The following TMEM232 variants were observed in gnomAD, a reference collection of about 807,000 sequenced individuals.
TMEM232 encodes the protein transmembrane protein 232.
Under a neutral mutation model 78.8 loss-of-function variants are expected in TMEM232, and 80 were observed. The observed-to-expected ratio is 1.01, with a 90% CI of 0.85 to 1.22. The LOEUF is 1.22. Among genes scored for constraint, TMEM232 ranks in the 50% most tolerant of loss-of-function variants. The pLI is 0.00. For missense variants in TMEM232, 881 were observed against 742.2 expected (o/e 1.19, Z -2.17); for synonymous variants, 297 against 254.3 (o/e 1.17, Z -1.60).
At chr5:110,624,075 C>T (rs1784108594) in intron 7 of TMEM232, among the ~76,000 whole-genome samples, 1 of 152,082 alleles carries the variant, frequency 6.6e-6, no homozygotes, top group Non-Finnish European at 1.5e-5. Flanking sequence ...TCAACATTGA[C>T]AGTTGCCTAC....
rs79627433 is a variant in TMEM232 at position 110,469,513 on chromosome 5, C to A, written c.1704-44597G>T. 9.0e-3 allele frequency among the ~76,000 whole-genome samples: 1,377 copies of A among 152,280 alleles called. 19 individuals carry two copies. The highest frequency in any genetic ancestry group is 0.031 in the African/African-American group (1,305 of 41,542). Reference sequence around the variant, plus strand: ...GCCTTGGTGAAGCCACCCTATCTACCCCTCTCCAAGCCACTGCTGCACTCT... The same window carrying A: ...GCCTTGGTGAAGCCACCCTATCTACACCTCTCCAAGCCACTGCTGCACTCT... On this transcript the variant is annotated intron_variant, in intron 12 of 13. Coordinates refer to ENST00000455884, the MANE Select transcript of TMEM232 (RefSeq NM_001039763.4).
chr5:110,627,569 G>A lies in TMEM232; in HGVS notation c.601+212C>T, dbSNP rs1033586813. ...AAAAAAGTAGAGTCAGATTTTAAAT[G>A]TTCTCACCACAAAGAAATAACAAAA... On this transcript the variant is annotated intron_variant, in intron 6 of 13. Coordinates refer to ENST00000455884, the MANE Select transcript of TMEM232 (RefSeq NM_001039763.4). Among the ~76,000 whole-genome samples the A allele has an allele frequency of 2.0e-5, 3 of 151,940 alleles. No individual in the cohort carries two copies. The East Asian group carries it at 5.8e-4, about 29-fold the overall frequency.
intron 3 of TMEM232, among the ~76,000 whole-genome samples, chr5:110,396,703 G>C (rs753787046): frequency 1.7e-4 from 26 of 152,150 alleles, no homozygotes; most frequent in Non-Finnish European, 3.4e-4. Context: ...CAAATTTGCA[G>C]TGCTGTTTTG....
intron 2 of TMEM232, among the ~76,000 whole-genome samples, chr5:110,666,020 G>C (rs2150125265): frequency 1.3e-5 from 2 of 152,090 alleles, no homozygotes; most frequent in Non-Finnish European, 1.5e-5. Flanking sequence ...ATAGGTTATA[G>C]CAAGGTTATA....
At chr5:110,444,039 G>A (rs1284774564) in intron 12 of TMEM232, among the ~76,000 whole-genome samples, 1 of 152,154 alleles carries the variant, frequency 6.6e-6, no homozygotes, top group African/African-American at 2.4e-5. Context: ...GAGATGTGCT[G>A]CCTGGGGTTG....
intron 2 of TMEM232, among the ~76,000 whole-genome samples, chr5:110,659,978 G>GA (rs555360018): frequency 1.3e-5 from 2 of 150,904 alleles, no homozygotes; most frequent in Non-Finnish European, 3.0e-5. Context: ...GGAGAGAAAA[G>GA]AAAAAAAGGG....
rs1764911586 is a variant in TMEM232, at chr5:110,490,167, AAGAAAGAAAGAAAGAAAG to A, written c.1703+38403_1703+38420del. On this transcript the variant is annotated intron_variant, in intron 12 of 13. Transcript: ENST00000455884. The stretch of plus-strand genomic sequence containing the variant: ...AAAGAAAGAAAGAAAGAAAGAAAGA[AAGAAAGAAAGAAAGAAAG>A]AAAGAAAAAGTTAATTGTATTGCTA... Among the ~76,000 whole-genome samples, 4 of 135,152 alleles carry A rather than the reference AAGAAAGAAAGAAAGAAAG, an allele frequency of 3.0e-5. No individual in the cohort carries two copies. The South Asian group carries it at 6.5e-4, about 22-fold the overall frequency. 88.7% of individuals were successfully genotyped at this position (135,152 alleles called of 152,430 possible).
intron 7 of TMEM232, among the ~76,000 whole-genome samples, chr5:110,620,006 A>G (rs1295887674): frequency 6.6e-6 from 1 of 152,176 alleles, no homozygotes; most frequent in South Asian, 2.1e-4. Flanking sequence ...TTAATCATAG[A>G]TATTGCAGGA....
chr5:110,415,055 A>T (rs567120562), downstream of TMEM232, among the ~76,000 whole-genome samples: 2 of 152,288 alleles, frequency 1.3e-5, no homozygotes, highest in African/African-American at 4.8e-5. Context: ...ACAGTTCCTC[A>T]GTCCTGCAGG....
At chr5:110,634,566 T>C (rs1785553660) in intron 5 of TMEM232, among the ~76,000 whole-genome samples, 1 of 151,538 alleles carries the variant, frequency 6.6e-6, no homozygotes, top group Non-Finnish European at 1.5e-5. Context: ...TAAAAATACA[T>C]GGAAATTAAA....
chr5:110,536,194 T>C (rs1379778805), intron 11 of TMEM232, among the ~76,000 whole-genome samples: 2 of 152,240 alleles, frequency 1.3e-5, no homozygotes, highest in Admixed American at 1.3e-4. Context: ...GGTTTCCGGC[T>C]GGGGCCAATC....
At chr5:110,728,841 G>T (rs976743358), upstream of TMEM232, among the ~76,000 whole-genome samples, 3 of 80,828 alleles carry the variant, frequency 3.7e-5, no homozygotes, top group Admixed American at 1.9e-4. Context: ...TACTTGCCCA[G>T]TTTTTTTCTG....
chr5:110,515,570 C>T (rs1422062201), intron 12 of TMEM232, among the ~76,000 whole-genome samples: 2 of 152,202 alleles, frequency 1.3e-5, no homozygotes, highest in Admixed American at 1.3e-4. Context: ...TGTCCAAATG[C>T]TTCCCCAAAC....
intron 1 of TMEM232, among the ~76,000 whole-genome samples, chr5:110,671,253 A>G (rs764118552): frequency 3.9e-5 from 6 of 152,170 alleles, no homozygotes; most frequent in Non-Finnish European, 8.8e-5. Context: ...GAAACAACAG[A>G]TGCTGGAGAG....
chr5:110,434,791 G>A (rs190552825), intron 12 of TMEM232, among the ~76,000 whole-genome samples: 34 of 152,042 alleles, frequency 2.2e-4, no homozygotes, highest in Middle Eastern at 3.4e-3. Flanking sequence ...GATTCAAGAC[G>A]GTTCAACATA....
intron 7 of TMEM232, among the ~76,000 whole-genome samples, chr5:110,618,791 A>G (rs1354456689): frequency 6.6e-6 from 1 of 152,204 alleles, no homozygotes; most frequent in Non-Finnish European, 1.5e-5. Context: ...CTTGTGTTCA[A>G]TGATATCAGC....
chr5:110,593,737 A>G (rs1004954311), intron 10 of TMEM232, among the ~76,000 whole-genome samples: 1 of 152,166 alleles, frequency 6.6e-6, no homozygotes, highest in Non-Finnish European at 1.5e-5. Flanking sequence ...GAAAGAATGA[A>G]TAAGTTCTGG....
chr5:110,539,056 TAA>T (rs1434643272), intron 11 of TMEM232, among the ~76,000 whole-genome samples: 1 of 152,174 alleles, frequency 6.6e-6, no homozygotes, highest in Non-Finnish European at 1.5e-5. Flanking sequence ...TGCTACAATG[TAA>T]GCATCACCTG....
intron 11 of TMEM232, among the ~76,000 whole-genome samples, chr5:110,554,528 T>C (rs1224253119): frequency 1.3e-5 from 2 of 152,116 alleles, no homozygotes; most frequent in Non-Finnish European, 2.9e-5. Flanking sequence ...TACTTGATCA[T>C]AGTGTGTTGT....
Sources: gnomAD v4.1 joint callset for allele counts (sites outside exome capture counted in the v4.1 genomes callset) on GRCh38, gnomAD v4.1.1 for gene constraint, MANE v1.5 for transcripts, NCBI Gene and HGNC (gene_info 2026-07-23, HGNC 2026-07-21) for gene names.